GEMIN6: variants seen among roughly 807,000 people sequenced by gnomAD.
GEMIN6 encodes gem-associated protein 6.
Under a neutral mutation model 14.1 loss-of-function variants are expected in GEMIN6, and 13 were observed. That is an observed-to-expected ratio of 0.92 (90% confidence interval 0.60 to 1.46). GEMIN6 has a LOEUF of 1.46. GEMIN6 is among the 40% of genes most tolerant of loss of function. The pLI is 0.00. For synonymous variants in GEMIN6, 87 were observed against 70.0 expected, an observed-to-expected ratio of 1.24 and a Z score of -1.21; for missense variants, 271 against 202.4, an observed-to-expected ratio of 1.34 and a Z score of -2.06.
In GEMIN6 at chr2:38,781,943, T is replaced by A; in HGVS notation, c.*51T>A. The A allele has an allele frequency of 6.7e-7, 1 of 1,485,512 alleles. No individual in the cohort carries two copies. Among genetic ancestry groups the A allele is most frequent in the Non-Finnish European group, 9.1e-7 (1 of 1,099,892 alleles). 92.0% of individuals were successfully genotyped at this position (1,485,512 alleles called of 1,614,324 possible). A position where few individuals can be genotyped will look rare whatever the true frequency, so the allele number is the denominator to read the frequency against. On this transcript the variant is annotated 3_prime_UTR_variant, in exon 3 of 3. Coordinates refer to ENST00000281950, the MANE Select transcript of GEMIN6 (RefSeq NM_024775.10). The stretch of plus-strand genomic sequence containing the variant: ...ATAGAAAAAGACTATATTTTATCCC[T>A]CATAAAATGTTTTAAATGTAAATGT...
In GEMIN6 at chr2:38,783,425, G is replaced by C. The variant is rs1269527302; in HGVS notation, c.*1533G>C. On this transcript the variant is annotated 3_prime_UTR_variant, in exon 3 of 3. Coordinates refer to ENST00000281950, the MANE Select transcript of GEMIN6 (RefSeq NM_024775.10). ...GCTGGTCTTGAACTCCTGACCTCATGATCTGCCTGCCGTGGCCTCCCAAAG... is the reference window on the plus strand; with the variant it reads ...GCTGGTCTTGAACTCCTGACCTCATCATCTGCCTGCCGTGGCCTCCCAAAG... The C allele has an allele frequency of 6.6e-6, 1 of 151,084 alleles. No homozygotes were observed. The highest frequency in any genetic ancestry group is 1.5e-5 in the Non-Finnish European group (1 of 67,980). 9.4% of individuals were successfully genotyped at this position (151,084 alleles called of 1,614,324 possible).
At chr2:38,780,508 G>T (rs1333897120) in intron 2 of GEMIN6, among the ~76,000 whole-genome samples, 1 of 146,280 alleles carries the variant, frequency 6.8e-6, no homozygotes, top group Non-Finnish European at 1.5e-5. Context: ...GGGATTACAG[G>T]CGTGTATTTT....
chr2:38,779,921 G>A (rs1390375349), intron 2 of GEMIN6, among the ~76,000 whole-genome samples: 1 of 150,260 alleles, frequency 6.7e-6, no homozygotes, highest in Non-Finnish European at 1.5e-5. Flanking sequence ...GACCTCAGGT[G>A]ATCTGCCCAC....
rs755412011 is a variant in GEMIN6, at chr2:38,781,588, C to G, written c.200C>G (p.Thr67Ser). ...GGAATTATGGGACATGCTGTGCAGA[C>G]TGTTGAAACTATGAATGAAGGGGAC... ...VTGIMGHAVQ[T>S]VETMNEGDHR... The change falls in exon 3 of 3, where the codon ACT becomes AGT. Residue 67 changes from threonine (T) to serine (S), a missense_variant. Physicochemically the swap from Thr to Ser is moderately conservative, Grantham distance 58 (BLOSUM62 1). Coordinates refer to ENST00000281950, the MANE Select transcript of GEMIN6 (RefSeq NM_024775.10). 1.9e-6 allele frequency: 3 copies of G among 1,614,010 alleles called. No homozygotes were observed. In the East Asian group the frequency reaches 6.7e-5, roughly 36 times the overall value.
In GEMIN6 at chr2:38,781,715, G is replaced by T; in HGVS notation, c.327G>T (p.Trp109Cys). 1 of 1,614,180 alleles carries T rather than the reference G, an allele frequency of 6.2e-7. No individual in the cohort carries two copies. The highest frequency in any genetic ancestry group is 8.5e-7 in the Non-Finnish European group (1 of 1,180,042). Reference protein sequence around the residue: ...LEERKNSLKKWLEKNHIPITE... With the variant: ...LEERKNSLKKCLEKNHIPITE... ...AGAGAAAGAACAGCCTAAAGAAATG[G>T]CTTGAGAAGAACCACATCCCCATCA... Residue 109 changes from tryptophan to cysteine, a missense_variant, in exon 3 of 3, where the codon TGG (tryptophan) becomes TGT (cysteine). Transcript: ENST00000281950.
rs540046862 is a variant in GEMIN6 at position 38,784,019 on chromosome 2, C to A, written c.*2127C>A. The A allele has an allele frequency of 1.3e-5, 2 of 152,132 alleles. No homozygotes were observed. Among genetic ancestry groups the A allele is most frequent in the African/African-American group, 4.8e-5 (2 of 41,424 alleles). 9.4% of individuals were successfully genotyped at this position (152,132 alleles called of 1,614,324 possible). ...GATAATGATGTTACCGTTCCCAGAC[C>A]ACACTTGCAGAAGCAGTTCAGAAAC... On this transcript the variant is annotated 3_prime_UTR_variant, in exon 3 of 3. Coordinates refer to ENST00000281950, the MANE Select transcript of GEMIN6 (RefSeq NM_024775.10).
At chr2:38,780,365 A>G (rs1289076058) in intron 2 of GEMIN6, among the ~76,000 whole-genome samples, 1 of 151,444 alleles carries the variant, frequency 6.6e-6, no homozygotes, top group African/African-American at 2.4e-5. Flanking sequence ...AAATGTAACC[A>G]CAAAAACTTT....
chr2:38,781,366 T>C lies in GEMIN6; in HGVS notation c.129-151T>C, dbSNP rs961860236. On this transcript the variant is annotated intron_variant, in intron 2 of 2. Transcript: ENST00000281950. ...ATTGGCTGTAGGCTGGGCAAAAAGT[T>C]TACCTATTTAGGATCCTTAGTGAAT... The C allele has an allele frequency of 2.2e-5, 18 of 826,074 alleles. No homozygotes were observed. The East Asian group carries it at 4.4e-4, about 20-fold the overall frequency. 51.2% of individuals were successfully genotyped at this position (826,074 alleles called of 1,614,324 possible).
chr2:38,783,607 G>A lies in GEMIN6; in HGVS notation c.*1715G>A, dbSNP rs1669140143. On this transcript the variant is annotated 3_prime_UTR_variant, in exon 3 of 3. Transcript: ENST00000281950. ...CTCCCAAAGTGCTGGGAATATAGGT[G>A]TGAGCTGCCATGTCCAGCTGTAAGA... is the stretch of plus-strand genomic sequence containing the variant. The A allele has an allele frequency of 6.6e-6, 1 of 151,692 alleles. No individual in the cohort carries two copies. The highest frequency in any genetic ancestry group is 2.4e-5 in the African/African-American group (1 of 41,272). 9.4% of individuals were successfully genotyped at this position (151,692 alleles called of 1,614,324 possible). A position where few individuals can be genotyped will look rare whatever the true frequency, so the allele number is the denominator to read the frequency against.
rs1459087872 is a variant in GEMIN6, at chr2:38,783,064, T to G, written c.*1172T>G. ...TGTATTTTTTTAGTAGAGACGGGGT[T>G]TTTCCATGTTGGTCAGGCTGGTCTC... On this transcript the variant is annotated 3_prime_UTR_variant, in exon 3 of 3. Coordinates refer to ENST00000281950, the MANE Select transcript of GEMIN6 (RefSeq NM_024775.10). 5 of 151,800 alleles carry G rather than the reference T, an allele frequency of 3.3e-5. No individual in the cohort carries two copies. The highest frequency in any genetic ancestry group is 1.2e-4 in the African/African-American group (5 of 41,274). The allele number at this position is 151,800 out of a possible 1,614,324, so 9.4% of individuals were successfully genotyped here. A position where few individuals can be genotyped will look rare whatever the true frequency, so the allele number is the denominator to read the frequency against.
In GEMIN6 at chr2:38,778,218, C is replaced by T. The variant is rs1166904428; in HGVS notation, c.-83C>T. ...GCATGCTGGTCTCAGGCGGTCTCCG[C>T]TCAACGATCCTTCCTCAAAGCATGG... On this transcript the variant is annotated 5_prime_UTR_variant, in exon 1 of 3. Coordinates refer to ENST00000281950, the MANE Select transcript of GEMIN6 (RefSeq NM_024775.10). 1.3e-5 allele frequency: 2 copies of T among 152,178 alleles called. No individual in the cohort carries two copies. The highest frequency in any genetic ancestry group is 4.8e-5 in the African/African-American group (2 of 41,436). The allele number at this position is 152,178 out of a possible 1,614,324, so 9.4% of individuals were successfully genotyped here.
At chr2:38,780,283 G>A (rs1669050596) in intron 2 of GEMIN6, among the ~76,000 whole-genome samples, 1 of 150,246 alleles carries the variant, frequency 6.7e-6, no homozygotes, top group Admixed American at 6.6e-5. Context: ...TCGCGCCACT[G>A]CACTCTAGCC....
chr2:38,778,384 T>C (rs1467898723), intron 1 of GEMIN6, 103 bp downstream of exon 1: 1 of 152,220 alleles, frequency 6.6e-6, no homozygotes, highest in East Asian at 1.9e-4. Context: ...ATCTAAGCTC[T>C]AGAGCTGTAG....
chr2:38,780,214 G>GGA (rs572663007), intron 2 of GEMIN6, among the ~76,000 whole-genome samples: 85 of 151,398 alleles, frequency 5.6e-4, no homozygotes, highest in African/African-American at 1.9e-3. Flanking sequence ...CAGCTACTCA[G>GGA]GAGGCTGGGG....
chr2:38,779,335 A>T, intron 2 of GEMIN6: 1 of 488,342 alleles, frequency 2.0e-6, no homozygotes, highest in Non-Finnish European at 3.7e-6. Flanking sequence ...GGTTCAAGCG[A>T]TTCTCCTGCC....
At position 38,782,001 on chromosome 2, in the gene GEMIN6, A is replaced by G. The variant is rs1185965855; in HGVS notation, c.*109A>G. On this transcript the variant is annotated 3_prime_UTR_variant, in exon 3 of 3. Coordinates refer to ENST00000281950, the MANE Select transcript of GEMIN6 (RefSeq NM_024775.10). ...TGTGTGTGTGTATGTGTGTGTGTGT[A>G]TAATTCTTTGTTGTTTTGGTAAAAT... 2.7e-6 allele frequency: 3 copies of G among 1,104,266 alleles called. No individual in the cohort carries two copies. Among genetic ancestry groups the G allele is most frequent in the East Asian group, 2.4e-5 (1 of 41,568 alleles). The allele number at this position is 1,104,266 out of a possible 1,614,324, so 68.4% of individuals were successfully genotyped here.
rs1006202537 is a variant in GEMIN6, at chr2:38,781,789, C to T, written c.401C>T (p.Thr134Ile). ...ACTCTCTGTGTGGCTGGGGTCCTGACTATAGACCCACCATATGGTCCAGAA... is the reference window on the plus strand; with the variant it reads ...ACTCTCTGTGTGGCTGGGGTCCTGATTATAGACCCACCATATGGTCCAGAA... The part of the protein sequence containing the change: ...PRTLCVAGVL[T>I]IDPPYGPENC... The change falls in exon 3 of 3, where the codon ACT (threonine) becomes ATT (isoleucine). Residue 134 changes from threonine to isoleucine, a missense_variant. Coordinates refer to ENST00000281950, the MANE Select transcript of GEMIN6 (RefSeq NM_024775.10). The T allele has an allele frequency of 6.2e-7, 1 of 1,614,174 alleles. No homozygotes were observed. Among genetic ancestry groups the T allele is most frequent in the Admixed American group, 1.7e-5 (1 of 60,002 alleles).
At chr2:38,778,345 T>C (rs1668999594) in intron 1 of GEMIN6, 64 bp downstream of exon 1, 1 of 152,182 alleles carries the variant, frequency 6.6e-6, no homozygotes, top group Non-Finnish European at 1.5e-5. Flanking sequence ...CAGTGTTAGG[T>C]ATCGTGTGGC....
intron 1 of GEMIN6, among the ~76,000 whole-genome samples, chr2:38,778,490 A>C (rs551174941): frequency 3.9e-5 from 6 of 152,304 alleles, no homozygotes; most frequent in Admixed American, 1.3e-4. Flanking sequence ...CAGCGGAGAC[A>C]CAGAGCCAGA....
Sources: allele counts gnomAD v4.1 joint callset (sites outside exome capture counted in the v4.1 genomes callset), GRCh38; gene constraint gnomAD v4.1.1; transcripts MANE v1.5; gene names NCBI Gene and HGNC (gene_info 2026-07-23, HGNC 2026-07-21).